The following FBXL17 variants were observed in gnomAD, a reference collection of about 807,000 sequenced individuals.
The protein encoded by FBXL17 is F-box and leucine rich repeat protein 17.
Under a neutral mutation model 66.2 loss-of-function variants are expected in FBXL17, and 22 were observed. That is an observed-to-expected ratio of 0.33 (90% CI 0.24 to 0.47). FBXL17 has a LOEUF of 0.47. Among genes scored for constraint, FBXL17 ranks in the 20% least tolerant of loss-of-function variants. FBXL17 has a pLI of 1.00. For missense variants in FBXL17, 878 were observed against 948.2 expected (o/e 0.93, Z 0.97); for synonymous variants, 474 against 400.5 (o/e 1.18, Z -2.19).
chr5:107,939,144 T>C (rs1254547880), intron 7 of FBXL17, among the ~76,000 whole-genome samples: 2 of 152,108 alleles, frequency 1.3e-5, no homozygotes, highest in Admixed American at 6.6e-5. Context: ...CAACAGTTTA[T>C]AGTTACTGAA....
intron 6 of FBXL17, among the ~76,000 whole-genome samples, chr5:108,146,753 TG>T (rs1424645754): frequency 1.3e-5 from 2 of 152,104 alleles, no homozygotes; most frequent in African/African-American, 4.8e-5. Flanking sequence ...AGCTGTATCC[TG>T]GGGGTGGGGA....
chr5:108,207,096 C>A (rs1309454541), intron 5 of FBXL17, among the ~76,000 whole-genome samples: 1 of 152,064 alleles, frequency 6.6e-6, no homozygotes, highest in Non-Finnish European at 1.5e-5. Flanking sequence ...TAAAATAGAA[C>A]AATTATAACA....
At chr5:108,047,111 AAGGT>A (rs1747281115) in intron 6 of FBXL17, among the ~76,000 whole-genome samples, 1 of 152,188 alleles carries the variant, frequency 6.6e-6, no homozygotes, top group African/African-American at 2.4e-5. Flanking sequence ...GCTGGCAACC[AAGGT>A]ATCAAGGTTC....
chr5:108,267,267 T>C (rs1757081633), intron 4 of FBXL17, among the ~76,000 whole-genome samples: 1 of 152,078 alleles, frequency 6.6e-6, no homozygotes, highest in Admixed American at 6.6e-5. Flanking sequence ...AATCTTTGTA[T>C]ATTTGAAATT....
chr5:108,122,888 T>C (rs941944434), intron 6 of FBXL17, among the ~76,000 whole-genome samples: 11 of 152,052 alleles, frequency 7.2e-5, no homozygotes, highest in African/African-American at 2.4e-4. Flanking sequence ...CACCTCTGAT[T>C]ACTGGCAGTG....
At chr5:107,933,002 A>T (rs1750782596) in intron 7 of FBXL17, among the ~76,000 whole-genome samples, 1 of 152,194 alleles carries the variant, frequency 6.6e-6, no homozygotes, top group Non-Finnish European at 1.5e-5. Flanking sequence ...ATGGAATTGT[A>T]TAGGAAGATG....
chr5:108,276,997 A>G (rs1757509537), intron 4 of FBXL17, among the ~76,000 whole-genome samples: 1 of 152,102 alleles, frequency 6.6e-6, no homozygotes, highest in Admixed American at 6.6e-5. Context: ...TTATGTGAGA[A>G]GTAGATTATA....
chr5:107,981,599 G>C (rs115265532), intron 7 of FBXL17, among the ~76,000 whole-genome samples: 3 of 152,212 alleles, frequency 2.0e-5, no homozygotes, highest in African/African-American at 7.2e-5. Flanking sequence ...CTGGTCTAAC[G>C]GAACACTTCT....
chr5:108,092,522 T>C (rs1376728236), intron 6 of FBXL17, among the ~76,000 whole-genome samples: 1 of 152,118 alleles, frequency 6.6e-6, no homozygotes, highest in East Asian at 1.9e-4. Context: ...TGCCATGTTG[T>C]CCAGGCTGAT....
chr5:108,367,993 A>C, intron 1 of FBXL17, 40 bp from the exon 2 acceptor site: 1 of 1,511,136 alleles, frequency 6.6e-7, no homozygotes, highest in Non-Finnish European at 8.9e-7. Flanking sequence ...TGTGCTAAAC[A>C]TTTTCAAGGC....
At chr5:108,185,767 C>T (rs1352002621) in intron 6 of FBXL17, among the ~76,000 whole-genome samples, 2 of 152,084 alleles carry the variant, frequency 1.3e-5, no homozygotes, top group African/African-American at 4.8e-5. Context: ...AAATCAACCA[C>T]AAATGTTGCA....
intron 4 of FBXL17, among the ~76,000 whole-genome samples, chr5:108,242,076 A>G (rs1470549515): frequency 6.6e-6 from 1 of 152,194 alleles, no homozygotes; most frequent in East Asian, 1.9e-4. Flanking sequence ...CATCATCTGA[A>G]GGTACAAAAC....
intron 7 of FBXL17, among the ~76,000 whole-genome samples, chr5:107,997,130 C>T (rs1385539484): frequency 3.9e-5 from 6 of 152,176 alleles, no homozygotes; most frequent in African/African-American, 9.7e-5. Flanking sequence ...GTAGGCAGTA[C>T]ATCGTAGCGG....
intron 3 of FBXL17, among the ~76,000 whole-genome samples, chr5:108,349,814 G>C (rs1419230471): frequency 6.6e-6 from 1 of 152,158 alleles, no homozygotes; most frequent in Non-Finnish European, 1.5e-5. Flanking sequence ...CCCATGGAGA[G>C]AATTCAGGGG....
In FBXL17 at chr5:108,198,871, GA is replaced by G. The variant is rs1214517682; in HGVS notation, c.1615-12625del. Reference sequence around the variant, plus strand: ...AGTTATCAGTAAGAAATGGTAATCAGAAAGATCTCTCTAAAGTTTTCCTTGA... The same window carrying G: ...AGTTATCAGTAAGAAATGGTAATCAGAAGATCTCTCTAAAGTTTTCCTTGA... On this transcript the variant is annotated intron_variant, in intron 5 of 8. Coordinates refer to ENST00000542267, the MANE Select transcript of FBXL17 (RefSeq NM_001163315.3). Among the ~76,000 whole-genome samples the G allele has an allele frequency of 1.6e-4, 25 of 152,176 alleles. No homozygotes were observed. In the South Asian group the frequency reaches 3.3e-3, roughly 20 times the overall value.
intron 4 of FBXL17, among the ~76,000 whole-genome samples, chr5:108,226,328 A>G (rs1397079651): frequency 6.6e-6 from 1 of 152,238 alleles, no homozygotes; most frequent in Non-Finnish European, 1.5e-5. Flanking sequence ...ATTGAAATAA[A>G]TAAATGAATT....
At chr5:107,906,437 G>A (rs1749760401) in intron 7 of FBXL17, among the ~76,000 whole-genome samples, 1 of 152,118 alleles carries the variant, frequency 6.6e-6, no homozygotes, top group Non-Finnish European at 1.5e-5. Context: ...TATTTACTTT[G>A]TGGTAACATC....
At chr5:108,299,157 A>G in intron 4 of FBXL17, 7 of 981,160 alleles carry the variant, frequency 7.1e-6, no homozygotes, top group Non-Finnish European at 8.5e-6. Flanking sequence ...TCAAGATTCT[A>G]TCAAGTTTGT....
At chr5:108,036,195 A>G (rs568848573) in intron 6 of FBXL17, among the ~76,000 whole-genome samples, 2 of 152,278 alleles carry the variant, frequency 1.3e-5, no homozygotes, top group South Asian at 2.1e-4. Flanking sequence ...CAATGTAGCT[A>G]GAAACTCTGG....
Sources: allele counts gnomAD v4.1 joint callset (sites outside exome capture counted in the v4.1 genomes callset), GRCh38; gene constraint gnomAD v4.1.1; transcripts MANE v1.5; gene names NCBI Gene and HGNC (gene_info 2026-07-23, HGNC 2026-07-21).